Variants in ZNF90 observed in about 807,000 individuals in gnomAD.
ZNF90 encodes the protein zinc finger protein HTF9.
A neutral mutation model predicts 12.0 loss-of-function variants in ZNF90; 11 were observed. That is an observed-to-expected ratio of 0.92 (90% CI 0.58 to 1.52). The LOEUF (loss-of-function observed/expected upper bound fraction) is 1.52. ZNF90 is among the 40% of genes most tolerant of loss of function. ZNF90 has a pLI of 0.00. For missense variants in ZNF90, 765 were observed against 711.5 expected (o/e 1.08, Z -0.86); for synonymous variants, 232 against 240.1 (o/e 0.97, Z 0.31).
chr19:20,110,350 C>T lies in ZNF90; in HGVS notation c.226+5034C>T, dbSNP rs560045881. 9.9e-5 allele frequency among the ~76,000 whole-genome samples: 15 copies of T among 151,942 alleles called. 1 individual carries two copies. Among genetic ancestry groups the T allele is most frequent in the Admixed American group, 2.6e-4 (4 of 15,262 alleles). On this transcript the variant is annotated intron_variant, in intron 3 of 3. Coordinates refer to ENST00000418063, the MANE Select transcript of ZNF90 (RefSeq NM_007138.2). ...CTGGAGTGCAGTGGTGTGATCTTGG[C>T]TCACTGCAACCCCTGCCTCCTGGGT...
At chr19:20,091,502 T>C (rs2122487837) in intron 1 of ZNF90, among the ~76,000 whole-genome samples, 1 of 152,304 alleles carries the variant, frequency 6.6e-6, no homozygotes, top group Admixed American at 6.5e-5. Flanking sequence ...GGTGGAAGTT[T>C]CCGTGGGGGA....
intron 1 of ZNF90, among the ~76,000 whole-genome samples, chr19:20,085,795 C>T (rs1237933868): frequency 2.0e-5 from 3 of 152,080 alleles, no homozygotes; most frequent in Non-Finnish European, 4.4e-5. Flanking sequence ...ATCATATTAA[C>T]AGCTAAATAA....
At chr19:20,081,004 A>G (rs2088816065) in intron 1 of ZNF90, among the ~76,000 whole-genome samples, 1 of 152,172 alleles carries the variant, frequency 6.6e-6, no homozygotes, top group Non-Finnish European at 1.5e-5. Flanking sequence ...CTGTGATTCC[A>G]GATCTTCTCC....
At position 20,120,441 on chromosome 19, in the gene ZNF90, G is replaced by A. The variant is rs1474601196; in HGVS notation, c.*1081G>A. Among the ~76,000 whole-genome samples, 2 of 152,156 alleles carry A rather than the reference G, an allele frequency of 1.3e-5. No homozygotes were observed. The highest frequency in any genetic ancestry group is 2.4e-5 in the African/African-American group (1 of 41,430). ...TGTACTAGAGGAAAACCCTGAAGCA[G>A]TTGCTCCAGCTTTGTTCAACAACAG... is the stretch of plus-strand genomic sequence containing the variant. On this transcript the variant is annotated 3_prime_UTR_variant, in exon 4 of 4. Coordinates refer to ENST00000418063, the MANE Select transcript of ZNF90 (RefSeq NM_007138.2).
In ZNF90 at chr19:20,092,535, G is replaced by A. The variant is rs576040329; in HGVS notation, c.4-11704G>A. ...GTCTTCAAGGAATGGAAAGAGGAGTGGGGAAAGGATTTAGGATCTATGGGG... is the reference window on the plus strand; with the variant it reads ...GTCTTCAAGGAATGGAAAGAGGAGTAGGGAAAGGATTTAGGATCTATGGGG... On this transcript the variant is annotated intron_variant, in intron 1 of 3. Transcript: ENST00000418063. Among the ~76,000 whole-genome samples the A allele has an allele frequency of 1.8e-4, 27 of 152,222 alleles. 1 individual carries two copies. The South Asian group carries it at 5.6e-3, about 32-fold the overall frequency.
At chr19:20,087,797 G>C (rs1321912545) in intron 1 of ZNF90, among the ~76,000 whole-genome samples, 2 of 152,192 alleles carry the variant, frequency 1.3e-5, no homozygotes, top group African/African-American at 2.4e-5. Context: ...AGCAAAGGGA[G>C]ATAAGTGTGG....
At chr19:20,089,706 A>T (rs1555702547) in intron 1 of ZNF90, among the ~76,000 whole-genome samples, 1 of 152,140 alleles carries the variant, frequency 6.6e-6, no homozygotes, top group African/African-American at 2.4e-5. Flanking sequence ...GTCTTGCTGG[A>T]CCTGTCCAGA....
At chr19:20,101,186 T>G (rs1183170723) in intron 1 of ZNF90, among the ~76,000 whole-genome samples, 1 of 152,218 alleles carries the variant, frequency 6.6e-6, no homozygotes, top group Non-Finnish European at 1.5e-5. Flanking sequence ...CCGATTAGGC[T>G]AAAGGCTCGC....
chr19:20,082,711 C>T (rs2122471870), intron 1 of ZNF90, among the ~76,000 whole-genome samples: 1 of 152,244 alleles, frequency 6.6e-6, no homozygotes, highest in Admixed American at 6.5e-5. Context: ...TGAAATATGA[C>T]CTCATGGCAA....
At chr19:20,079,544 G>A (rs769480476) in intron 1 of ZNF90, among the ~76,000 whole-genome samples, 1 of 152,286 alleles carries the variant, frequency 6.6e-6, no homozygotes, top group South Asian at 2.1e-4. Context: ...AGGCAGAAAA[G>A]TGCTTTCTTC....
At chr19:20,087,410 G>C (rs2088867482) in intron 1 of ZNF90, 1 of 152,296 alleles carries the variant, frequency 6.6e-6, no homozygotes, top group Non-Finnish European at 1.5e-5. Flanking sequence ...AGCTTTTGGA[G>C]CTATCTCTAT....
intron 1 of ZNF90, among the ~76,000 whole-genome samples, chr19:20,083,092 C>A (rs1555701706): frequency 6.6e-6 from 1 of 152,168 alleles, no homozygotes; most frequent in African/African-American, 2.4e-5. Flanking sequence ...CCTGCCACAT[C>A]TCCCTCTCTG....
rs782096803 is a variant in ZNF90 at position 20,105,214 on chromosome 19, A to C, written c.131-7A>C. The C allele has an allele frequency of 6.9e-6, 11 of 1,592,444 alleles. No individual in the cohort carries two copies. Among genetic ancestry groups the C allele is most frequent in the Non-Finnish European group, 9.4e-6 (11 of 1,168,648 alleles). On this transcript the variant is annotated splice_region_variant and splice_polypyrimidine_tract_variant and intron_variant, in intron 2 of 3. Transcript: ENST00000418063. ...AAGATTCATGTTATTTATTTTTAAT[A>C]AAACAGGTATTGTTGTCACTAAGCC...
chr19:20,091,707 T>G (rs1378117242), intron 1 of ZNF90, among the ~76,000 whole-genome samples: 1 of 152,216 alleles, frequency 6.6e-6, no homozygotes, highest in Non-Finnish European at 1.5e-5. Context: ...AGAGTTTTTA[T>G]TAAAGAGGCA....
chr19:20,089,870 G>A lies in ZNF90; in HGVS notation c.3+11735G>A, dbSNP rs146856657. 5.5e-3 allele frequency among the ~76,000 whole-genome samples: 841 copies of A among 152,244 alleles called. 14 individuals are homozygous for A. The highest frequency in any genetic ancestry group is 0.017 in the African/African-American group (701 of 41,536). On this transcript the variant is annotated intron_variant, in intron 1 of 3. Coordinates refer to ENST00000418063, the MANE Select transcript of ZNF90 (RefSeq NM_007138.2). ...GGAAATGCAAAGGCAGCAGTTGTTCGCCAAGGAGGGATTAGAAGCGGCTAG... is the reference window on the plus strand; with the variant it reads ...GGAAATGCAAAGGCAGCAGTTGTTCACCAAGGAGGGATTAGAAGCGGCTAG...
At chr19:20,093,324 CAGG>C (rs1379646579) in intron 1 of ZNF90, among the ~76,000 whole-genome samples, 1 of 152,172 alleles carries the variant, frequency 6.6e-6, no homozygotes, top group Non-Finnish European at 1.5e-5. Context: ...TGAGTGATAA[CAGG>C]CTTTAATCAT....
intron 1 of ZNF90, among the ~76,000 whole-genome samples, chr19:20,101,401 GCTGCCACCATCTTGGGAGTGGC>G (rs1217659834): frequency 3.3e-5 from 5 of 152,358 alleles, no homozygotes; most frequent in South Asian, 4.1e-4. Flanking sequence ...TTTGTGAGCA[GCTGCCACCATCTTGGGAGTGGC>G]CTGCCACCAT....
chr19:20,108,020 AT>A (rs2089054545), intron 3 of ZNF90, among the ~76,000 whole-genome samples: 1 of 152,086 alleles, frequency 6.6e-6, no homozygotes, highest in African/African-American at 2.4e-5. Context: ...TGGAAAAAAA[AT>A]ATATATTTTT....
At chr19:20,083,852 A>G (rs1250263040) in intron 1 of ZNF90, among the ~76,000 whole-genome samples, 4 of 151,792 alleles carry the variant, frequency 2.6e-5, no homozygotes, top group East Asian at 2.0e-4. Context: ...GGCTCAAGCA[A>G]TTCTCTCCTA....
Sources: gnomAD v4.1 joint callset for allele counts (sites outside exome capture counted in the v4.1 genomes callset) on GRCh38, gnomAD v4.1.1 for gene constraint, MANE v1.5 for transcripts, NCBI Gene and HGNC (gene_info 2026-07-23, HGNC 2026-07-21) for gene names.